LNX1: variants seen among roughly 807,000 people sequenced by gnomAD.
The protein encoded by LNX1 is E3 ubiquitin-protein ligase LNX.
A neutral mutation model predicts 68.4 loss-of-function variants in LNX1; 54 were observed. The observed-to-expected ratio is 0.79, with a 90% CI of 0.63 to 0.99. The LOEUF (loss-of-function observed/expected upper bound fraction) is 0.99, where lower values mean the gene tolerates loss of function less well. Among genes scored for constraint, LNX1 ranks in the 50% least tolerant of loss-of-function variants. LNX1 has a pLI of 0.00. For synonymous variants in LNX1, 336 were observed against 350.0 expected (o/e 0.96, Z 0.45); for missense variants, 906 against 926.4 (o/e 0.98, Z 0.29).
At chr4:53,547,500 T>G (rs563912850) in intron 2 of LNX1, among the ~76,000 whole-genome samples, 1 of 152,258 alleles carries the variant, frequency 6.6e-6, no homozygotes, top group South Asian at 2.1e-4. Context: ...GTGCCTTGAA[T>G]CACTAGGTCA....
At chr4:53,570,546 G>C (rs1306669089) in intron 2 of LNX1, among the ~76,000 whole-genome samples, 1 of 149,924 alleles carries the variant, frequency 6.7e-6, no homozygotes, top group Non-Finnish European at 1.5e-5. Context: ...GATAGCATTG[G>C]GCGATATACC....
At chr4:53,629,646 G>T (rs1299501294) in intron 1 of LNX1, among the ~76,000 whole-genome samples, 1 of 152,172 alleles carries the variant, frequency 6.6e-6, no homozygotes, top group East Asian at 1.9e-4. Context: ...GGAGGTAAGG[G>T]ACAGGCTCAG....
chr4:53,498,775 G>T lies in LNX1; in HGVS notation c.844C>A (p.Pro282Thr), dbSNP rs1394486437. 6.2e-7 allele frequency: 1 copy of T among 1,614,038 alleles called. No homozygotes were observed. Among genetic ancestry groups the T allele is most frequent in the Non-Finnish European group, 8.5e-7 (1 of 1,179,914 alleles). The change falls in exon 5 of 11, where the codon CCC becomes ACC. Residue 282 changes from proline (P) to threonine (T), a missense_variant. By Grantham distance (38) the Pro-to-Thr change is conservative. Coordinates refer to ENST00000263925, the MANE Select transcript of LNX1 (RefSeq NM_001126328.3). ...ITSIKINRVD[P>T]SESLSIRLVG... ...AGCCTAATAGAGAGGCTTTCACTGGGATCTACTCGATTGATCTTGATGCTG... is the reference window on the plus strand; with the variant it reads ...AGCCTAATAGAGAGGCTTTCACTGGTATCTACTCGATTGATCTTGATGCTG...
chr4:53,639,456 C>T (rs1734596069), intron 1 of LNX1, among the ~76,000 whole-genome samples: 2 of 152,160 alleles, frequency 1.3e-5, no homozygotes, highest in Admixed American at 1.3e-4. Flanking sequence ...TATTTAAAAT[C>T]TGCTTCCTAA....
At chr4:53,517,478 A>T (rs540257793) in intron 2 of LNX1, among the ~76,000 whole-genome samples, 5 of 152,244 alleles carry the variant, frequency 3.3e-5, no homozygotes, top group Admixed American at 1.3e-4. Context: ...TACTTGGAGG[A>T]CACTCAAGTA....
At chr4:53,508,312 A>G (rs1726074370) in intron 2 of LNX1, 85 bp from the exon 3 acceptor site, 1 of 1,514,176 alleles carries the variant, frequency 6.6e-7, no homozygotes, top group Non-Finnish European at 8.9e-7. Context: ...ACAATTGAAG[A>G]ATGTATAATA....
intron 1 of LNX1, chr4:53,579,413 G>T (rs1359544732): frequency 4.0e-6 from 1 of 249,640 alleles, no homozygotes; most frequent in Non-Finnish European, 6.4e-6. Flanking sequence ...GTGCTGAAAA[G>T]CACCCAGAAA....
upstream of LNX1, among the ~76,000 whole-genome samples, chr4:53,621,355 C>A (rs1033593521): frequency 5.9e-5 from 9 of 152,182 alleles, no homozygotes; most frequent in Non-Finnish European, 1.0e-4. Flanking sequence ...CTGTGGGGTT[C>A]TAGTTGCCTG....
chr4:53,516,864 G>C (rs1277489657), intron 2 of LNX1, among the ~76,000 whole-genome samples: 4 of 152,166 alleles, frequency 2.6e-5, no homozygotes, highest in Admixed American at 6.5e-5. Context: ...GACAGGAGAG[G>C]GGAGGAGGTT....
chr4:53,611,077 G>T (rs2572285), intron 2 of LNX1, among the ~76,000 whole-genome samples: 63,994 of 151,874 alleles, frequency 0.42, 13,440 homozygotes, highest in Admixed American at 0.45. Context: ...TTTTGCAAAT[G>T]ATATGATTGT....
At chr4:53,477,386 G>T (rs541226914) in intron 8 of LNX1, among the ~76,000 whole-genome samples, 1 of 152,284 alleles carries the variant, frequency 6.6e-6, no homozygotes, top group Admixed American at 6.5e-5. Flanking sequence ...GCATGTAGTA[G>T]GCCTCCAGTA....
At chr4:53,587,285 A>G (rs1270219385) in intron 1 of LNX1, among the ~76,000 whole-genome samples, 1 of 152,202 alleles carries the variant, frequency 6.6e-6, no homozygotes, top group East Asian at 1.9e-4. Flanking sequence ...TCCTGATTTC[A>G]GCTCAGTGTA....
At chr4:53,534,015 A>C (rs970670132) in intron 2 of LNX1, among the ~76,000 whole-genome samples, 2 of 152,222 alleles carry the variant, frequency 1.3e-5, no homozygotes, top group African/African-American at 4.8e-5. Flanking sequence ...GAGAGTGGAC[A>C]CACCAAAAGC....
At chr4:53,621,034 T>A (rs1359028779), upstream of LNX1, among the ~76,000 whole-genome samples, 1 of 152,204 alleles carries the variant, frequency 6.6e-6, no homozygotes, top group African/African-American at 2.4e-5. Flanking sequence ...TAACTGGCTT[T>A]TGCTGAGGTT....
At chr4:53,566,770 C>A (rs1403343354) in intron 2 of LNX1, among the ~76,000 whole-genome samples, 1 of 150,346 alleles carries the variant, frequency 6.7e-6, no homozygotes, top group African/African-American at 2.4e-5. Flanking sequence ...TGTGCAGAGA[C>A]ACACATAGGC....
intron 2 of LNX1, among the ~76,000 whole-genome samples, chr4:53,550,643 T>C (rs188314134): frequency 4.6e-5 from 7 of 152,308 alleles, no homozygotes; most frequent in African/African-American, 1.7e-4. Flanking sequence ...TTCCACTCAC[T>C]CCCGACTCAT....
chr4:53,650,140 C>T lies in LNX1; in HGVS notation c.-215+2028G>A, dbSNP rs569230651. Among the ~76,000 whole-genome samples, 5 of 152,302 alleles carry T rather than the reference C, an allele frequency of 3.3e-5. No individual in the cohort carries two copies. In the South Asian group the frequency reaches 1.0e-3, roughly 32 times the overall value. On this transcript the variant is annotated intron_variant, in intron 1 of 2. Transcript: ENST00000507168. ...TCAGGCCTGATGCTGAGGACACGTG[C>T]CCTGCCTGTATGGAGGAGACAGCTT...
upstream of LNX1, among the ~76,000 whole-genome samples, chr4:53,596,216 A>G (rs1358703209): frequency 3.9e-5 from 6 of 152,224 alleles, no homozygotes; most frequent in Non-Finnish European, 7.3e-5. Flanking sequence ...GGTTCTGTGT[A>G]TATGGAAGAT....
At chr4:53,632,979 C>T (rs1027824839) in intron 1 of LNX1, among the ~76,000 whole-genome samples, 1 of 152,174 alleles carries the variant, frequency 6.6e-6, no homozygotes, top group Non-Finnish European at 1.5e-5. Context: ...ACAACCTGTC[C>T]TAAGACAAGA....
Sources: allele counts gnomAD v4.1 joint callset (sites outside exome capture counted in the v4.1 genomes callset), GRCh38; gene constraint gnomAD v4.1.1; transcripts MANE v1.5; gene names NCBI Gene and HGNC (gene_info 2026-07-23, HGNC 2026-07-21).